The following ZNF30 variants were observed in gnomAD, a reference collection of about 807,000 sequenced individuals.
The protein encoded by ZNF30 is zinc finger protein 30, also known as zinc finger protein 30 (KOX 28).
In ZNF30, 15 loss-of-function variants were observed where a neutral mutation model predicts 13.2. The observed-to-expected ratio is 1.13, with a 90% CI of 0.76 to 1.75. The LOEUF (loss-of-function observed/expected upper bound fraction) is 1.75, where lower values mean the gene tolerates loss of function less well. Among genes scored for constraint, ZNF30 ranks in the 40% most tolerant of loss-of-function variants. The pLI is 0.00. For missense variants in ZNF30, 726 were observed against 757.0 expected, an observed-to-expected ratio of 0.96 and a Z score of 0.48; for synonymous variants, 223 against 256.6, an observed-to-expected ratio of 0.87 and a Z score of 1.25.
Position 34,944,158 on chromosome 19 carries a change from A to G in ZNF30, c.1192A>G (p.Lys398Glu). Reference protein sequence around the residue: ...VQHGRLHTGEKPYECKECGKA... With the variant: ...VQHGRLHTGEEPYECKECGKA... ...ACATGGAAGACTTCACACTGGCGAG[A>G]AGCCCTATGAATGTAAGGAGTGTGG... The change falls in exon 5 of 5, where the codon AAG becomes GAG. Residue 398 changes from lysine to glutamate, a missense_variant. By Grantham distance (56) the Lys-to-Glu change is moderately conservative. Coordinates refer to ENST00000601142, the MANE Select transcript of ZNF30 (RefSeq NM_194325.3). 1.9e-6 allele frequency: 3 copies of G among 1,613,766 alleles called. No individual in the cohort carries two copies. The highest frequency in any genetic ancestry group is 2.5e-6 in the Non-Finnish European group (3 of 1,179,706).
intron 4 of ZNF30, among the ~76,000 whole-genome samples, chr19:34,942,955 G>C (rs2013120587): frequency 6.6e-6 from 1 of 152,210 alleles, no homozygotes; most frequent in South Asian, 2.1e-4. Flanking sequence ...GGGGCGGGAT[G>C]CTGCTTGAAC....
chr19:34,943,774 A>T lies in ZNF30; in HGVS notation c.808A>T (p.Ser270Cys). ...FGCEECGKAF[S>C]TFSYLVQHQR... The stretch of plus-strand genomic sequence containing the variant: ...GTGTGAGGAGTGTGGGAAGGCCTTC[A>T]GTACCTTTTCATACCTGGTTCAACA... Residue 270 changes from serine (S) to cysteine (C), a missense_variant, in exon 5 of 5, where the codon AGT becomes TGT. Physicochemically the swap from Ser to Cys is moderately radical, Grantham distance 112. Coordinates refer to ENST00000601142, the MANE Select transcript of ZNF30 (RefSeq NM_194325.3). The T allele has an allele frequency of 6.2e-7, 1 of 1,614,030 alleles. No homozygotes were observed. The highest frequency in any genetic ancestry group is 8.5e-7 in the Non-Finnish European group (1 of 1,179,908).
chr19:34,930,695 CA>C (rs869104669), intron 2 of ZNF30, among the ~76,000 whole-genome samples: 1 of 151,696 alleles, frequency 6.6e-6, no homozygotes, highest in Admixed American at 6.6e-5. Flanking sequence ...CTGTCTCTAC[CA>C]AAAAAAATTT....
intron 4 of ZNF30, among the ~76,000 whole-genome samples, chr19:34,934,973 T>C (rs1304416190): frequency 6.6e-6 from 1 of 152,112 alleles, no homozygotes; most frequent in Non-Finnish European, 1.5e-5. Context: ...CTCACGCCTG[T>C]AATCCCAGTA....
chr19:34,938,530 A>G (rs905724694), intron 4 of ZNF30, among the ~76,000 whole-genome samples: 1 of 152,120 alleles, frequency 6.6e-6, no homozygotes, highest in Non-Finnish European at 1.5e-5. Flanking sequence ...TTAATAATTT[A>G]CCACTTTGCT....
intron 4 of ZNF30, among the ~76,000 whole-genome samples, chr19:34,935,958 CAA>C (rs199876511): frequency 0.017 from 2,574 of 152,256 alleles, 69 homozygotes; most frequent in South Asian, 0.084. Flanking sequence ...TGGCAGCAGA[CAA>C]GAGAGAATGA....
intron 4 of ZNF30, among the ~76,000 whole-genome samples, chr19:34,939,855 G>A (rs988146615): frequency 6.6e-6 from 1 of 152,166 alleles, no homozygotes; most frequent in Admixed American, 6.5e-5. Context: ...TTAGGATGAT[G>A]AGACGGAAAA....
chr19:34,937,791 T>C (rs1274812798), intron 4 of ZNF30, among the ~76,000 whole-genome samples: 1 of 151,878 alleles, frequency 6.6e-6, no homozygotes, highest in Non-Finnish European at 1.5e-5. Context: ...TGATGAGAAT[T>C]GACCACAATA....
chr19:34,927,133 C>G lies in ZNF30; in HGVS notation c.-148C>G, dbSNP rs1442585760. Reference sequence around the variant, plus strand: ...AGCTCCGAGGTTGGAGCAGCCCCGCCGGGCAACTTGAATTTCTGCAAACGA... The same window carrying G: ...AGCTCCGAGGTTGGAGCAGCCCCGCGGGGCAACTTGAATTTCTGCAAACGA... On this transcript the variant is annotated 5_prime_UTR_variant, in exon 1 of 5. Coordinates refer to ENST00000601142, the MANE Select transcript of ZNF30 (RefSeq NM_194325.3). 2.5e-6 allele frequency: 1 copy of G among 395,610 alleles called. No homozygotes were observed. The highest frequency in any genetic ancestry group is 4.5e-6 in the Non-Finnish European group (1 of 224,530). The allele number at this position is 395,610 out of a possible 1,614,324, so 24.5% of individuals were successfully genotyped here.
chr19:34,943,346 A>G lies in ZNF30; in HGVS notation c.380A>G (p.Lys127Arg), dbSNP rs1378203584. The G allele has an allele frequency of 2.5e-6, 4 of 1,613,916 alleles. No individual in the cohort carries two copies. The highest frequency in any genetic ancestry group is 1.3e-5 in the African/African-American group (1 of 74,946). ...QKPRECQEYG[K>R]TLCQDSKPVQ... ...CCACGTGAATGTCAGGAATATGGAA[A>G]GACCCTTTGTCAAGACTCAAAGCCT... The change falls in exon 5 of 5, where the codon AAG becomes AGG. Residue 127 changes from lysine (K) to arginine (R), a missense_variant. Physicochemically the swap from Lys to Arg is conservative, Grantham distance 26. Coordinates refer to ENST00000601142, the MANE Select transcript of ZNF30 (RefSeq NM_194325.3).
chr19:34,944,169 A>C lies in ZNF30; in HGVS notation c.1203A>C (p.Glu401Asp). The C allele has an allele frequency of 6.2e-7, 1 of 1,612,856 alleles. No individual in the cohort carries two copies. Among genetic ancestry groups the C allele is most frequent in the Non-Finnish European group, 8.5e-7 (1 of 1,179,076 alleles). The change falls in exon 5 of 5, where the codon GAA becomes GAC. Residue 401 changes from glutamate (E) to aspartate (D), a missense_variant. Glu to Asp is a conservative substitution (Grantham distance 45, BLOSUM62 2). Transcript: ENST00000601142. Reference protein sequence around the residue: ...GRLHTGEKPYECKECGKAFST... With the variant: ...GRLHTGEKPYDCKECGKAFST... ...TTCACACTGGCGAGAAGCCCTATGA[A>C]TGTAAGGAGTGTGGCAAGGCCTTTA...
At chr19:34,932,038 T>C (rs775946483) in intron 3 of ZNF30, 45 bp downstream of exon 3, 3 of 1,493,322 alleles carry the variant, frequency 2.0e-6, no homozygotes, top group East Asian at 2.5e-5. Context: ...CTCCCTGTTA[T>C]ACTTTCTCCT....
intron 4 of ZNF30, chr19:34,942,755 T>A: frequency 5.2e-6 from 3 of 580,860 alleles, no homozygotes; most frequent in South Asian, 4.7e-5. Context: ...TGTCTTGATA[T>A]GAGGTCTGAG....
In ZNF30 at chr19:34,941,559, C is replaced by G. The variant is rs556410097; in HGVS notation, c.257-1664C>G. ...TACAGGCGTGAGCCACTGCACCCAG[C>G]CTGACTGAAGTTTTTTGACACAAAC... is the stretch of plus-strand genomic sequence containing the variant. On this transcript the variant is annotated intron_variant, in intron 4 of 4. Coordinates refer to ENST00000601142, the MANE Select transcript of ZNF30 (RefSeq NM_194325.3). 1.2e-4 allele frequency among the ~76,000 whole-genome samples: 18 copies of G among 152,306 alleles called. No homozygotes were observed. In the South Asian group the frequency reaches 3.7e-3, roughly 32 times the overall value.
In ZNF30 at chr19:34,938,297, C is replaced by T. The variant is rs530665012; in HGVS notation, c.256+4574C>T. ...AAAATAAGGTCACATTCTGAAGTAT[C>T]GGGTGGACAGGAGTTTGGGGGACAC... is the stretch of plus-strand genomic sequence containing the variant. On this transcript the variant is annotated intron_variant, in intron 4 of 4. Coordinates refer to ENST00000601142, the MANE Select transcript of ZNF30 (RefSeq NM_194325.3). 5.3e-5 allele frequency among the ~76,000 whole-genome samples: 8 copies of T among 152,182 alleles called. No homozygotes were observed. The South Asian group carries it at 6.2e-4, about 12-fold the overall frequency.
At chr19:34,942,000 A>G (rs1169448474) in intron 4 of ZNF30, among the ~76,000 whole-genome samples, 5 of 152,230 alleles carry the variant, frequency 3.3e-5, no homozygotes, top group African/African-American at 4.8e-5. Context: ...ACTAAACAAT[A>G]ATCTGTGTGA....
Position 34,944,588 on chromosome 19 carries a change from A to G in ZNF30, c.1622A>G (p.Glu541Gly). ...ATTCATACTGGGGAGAAACCCTATG[A>G]ATGTAACAAATGTGGGAAAGCCTTT... ...QRIHTGEKPY[E>G]CNKCGKAFTV... The change falls in exon 5 of 5, where the codon GAA (glutamate) becomes GGA (glycine). Residue 541 changes from glutamate (E) to glycine (G), a missense_variant. Physicochemically the swap from Glu to Gly is moderately conservative, Grantham distance 98. Transcript: ENST00000601142. 2.5e-6 allele frequency: 4 copies of G among 1,614,142 alleles called. No homozygotes were observed. The highest frequency in any genetic ancestry group is 3.4e-6 in the Non-Finnish European group (4 of 1,179,998).
At chr19:34,939,086 C>G (rs1383414843) in intron 4 of ZNF30, among the ~76,000 whole-genome samples, 5 of 148,944 alleles carry the variant, frequency 3.4e-5, no homozygotes, top group African/African-American at 1.3e-4. Flanking sequence ...TAGAGTTCCA[C>G]TCAGTCCACA....
In ZNF30 at chr19:34,931,895, TAGCCTTCTCCC is replaced by T. The variant is rs775549913; in HGVS notation, c.66_76del (p.Phe23GlyfsTer33). On this transcript the variant is annotated frameshift_variant, in exon 3 of 5. Coordinates refer to ENST00000601142, the MANE Select transcript of ZNF30 (RefSeq NM_194325.3). LOFTEE classifies it high-confidence loss of function. The stretch of plus-strand genomic sequence containing the variant: ...TCAGTGACATTTGAGGATGTGGCCA[TAGCCTTCTCCC>T]AGCAGGAGTGGGAGAGTCTGGACTC... 1.5e-5 allele frequency: 25 copies of T among 1,613,690 alleles called. No individual in the cohort carries two copies. The African/African-American group carries it at 2.9e-4, about 19-fold the overall frequency.
Sources: allele counts gnomAD v4.1 joint callset (sites outside exome capture counted in the v4.1 genomes callset), GRCh38; gene constraint gnomAD v4.1.1; transcripts MANE v1.5; gene names NCBI Gene and HGNC (gene_info 2026-07-23, HGNC 2026-07-21).